Variants in ASAP2 observed in about 807,000 individuals in gnomAD.
ASAP2 encodes arf-GAP with SH3 domain, ANK repeat and PH domain-containing protein 2.
In ASAP2, 45 loss-of-function variants were observed where a neutral mutation model predicts 131.4. The observed-to-expected ratio is 0.34, with a 90% CI of 0.27 to 0.44. The LOEUF (loss-of-function observed/expected upper bound fraction) is 0.44, where lower values mean the gene tolerates loss of function less well. Ranked by LOEUF, ASAP2 falls within the 20% of genes least tolerant of loss-of-function variation. The probability of loss-of-function intolerance (pLI) is 1.00; values close to 1 mark genes in which losing one functional copy is unlikely to be tolerated. For synonymous variants in ASAP2, 510 were observed against 503.0 expected (o/e 1.01, Z -0.19); for missense variants, 1,011 against 1,297.0 (o/e 0.78, Z 3.39).
At chr2:9,254,220 A>T (rs1664934404) in intron 1 of ASAP2, among the ~76,000 whole-genome samples, 2 of 78,856 alleles carry the variant, frequency 2.5e-5, no homozygotes, top group Non-Finnish European at 2.4e-5. Context: ...AAAAAAAAAA[A>T]AAAAAAAAAA....
chr2:9,359,017 T>C, intron 15 of ASAP2, 128 bp downstream of exon 15: 1 of 1,150,834 alleles, frequency 8.7e-7, no homozygotes, highest in Non-Finnish European at 1.2e-6. Context: ...TTTGGATAAT[T>C]AGAAACTCAT....
At chr2:9,315,445 C>T (rs1468977012) in intron 3 of ASAP2, among the ~76,000 whole-genome samples, 3 of 152,132 alleles carry the variant, frequency 2.0e-5, no homozygotes, top group African/African-American at 4.8e-5. Flanking sequence ...AGAAGCGTGC[C>T]GCACGGCTGG....
Position 9,403,673 on chromosome 2 carries a change from T to C in ASAP2, c.*346T>C. The C allele has an allele frequency of 4.5e-6, 1 of 222,084 alleles. No homozygotes were observed. The highest frequency in any genetic ancestry group is 8.9e-6 in the Non-Finnish European group (1 of 111,984). The allele number at this position is 222,084 out of a possible 1,614,324, so 13.8% of individuals were successfully genotyped here. ...AATGAATAAATTCTTCCTGCATTCC[T>C]TGGCCCAGTTCTGGAGTTGGTGACC... On this transcript the variant is annotated 3_prime_UTR_variant, in exon 28 of 28. Transcript: ENST00000281419.
chr2:9,365,212 G>A (rs1324243757), intron 15 of ASAP2, among the ~76,000 whole-genome samples: 1 of 152,180 alleles, frequency 6.6e-6, no homozygotes, highest in African/African-American at 2.4e-5. Flanking sequence ...TTGCTTTGGA[G>A]GCAGCAGTTT....
chr2:9,257,402 A>C (rs957946295), intron 1 of ASAP2, among the ~76,000 whole-genome samples: 4 of 152,234 alleles, frequency 2.6e-5, no homozygotes, highest in African/African-American at 9.6e-5. Flanking sequence ...AAATTAAAAT[A>C]GCTTTATTTT....
In ASAP2 at chr2:9,207,205, G is replaced by A. The variant is rs771831853; in HGVS notation, c.101G>A (p.Arg34Gln). ...TTCACCACCCGCACGGCGCAGTGCC[G>A]GAACACTGTGGCGGCCATCGAGGAG... ...SSFTTRTAQCRNTVAAIEEAL... is the reference protein window; with the variant it reads ...SSFTTRTAQCQNTVAAIEEAL... Residue 34 changes from arginine to glutamine, a missense_variant, in exon 1 of 28, where the codon CGG becomes CAG. This residue lies in a region of ASAP2 where 359 missense variants were observed against 598.1 expected (regional missense o/e 0.60). Transcript: ENST00000281419. The surrounding 1 kb of genome is among the most constrained non-coding windows in gnomAD (Gnocchi z 4.1). The A allele has an allele frequency of 1.3e-6, 2 of 1,598,826 alleles. No individual in the cohort carries two copies. The highest frequency in any genetic ancestry group is 1.7e-6 in the Non-Finnish European group (2 of 1,173,994).
chr2:9,350,157 A>G (rs1323560910), intron 11 of ASAP2, among the ~76,000 whole-genome samples: 1 of 152,114 alleles, frequency 6.6e-6, no homozygotes, highest in East Asian at 1.9e-4. Flanking sequence ...GCCATTTTTC[A>G]TACACCTCTG....
chr2:9,400,107 C>T lies in ASAP2; in HGVS notation c.2734+35C>T, dbSNP rs370102368. On this transcript the variant is annotated intron_variant, in intron 25 of 27. Coordinates refer to ENST00000281419, the MANE Select transcript of ASAP2 (RefSeq NM_003887.3). ...TAATTTGGGACTGAGTTTGTTTCTG[C>T]TTGGTCCATGGGGGCAATGTGGGGG... 7.5e-6 allele frequency: 12 copies of T among 1,602,466 alleles called. No homozygotes were observed. The African/African-American group carries it at 1.4e-4, about 18-fold the overall frequency.
rs1410847164 is a variant in ASAP2, at chr2:9,383,826, T to A, written c.2017-1419T>A. Reference sequence around the variant, plus strand: ...GGCACATATACACCGTGCAATACTGTGCAGCCATAAAAAAGGATGAGTTCA... The same window carrying A: ...GGCACATATACACCGTGCAATACTGAGCAGCCATAAAAAAGGATGAGTTCA... On this transcript the variant is annotated intron_variant, in intron 20 of 27. Transcript: ENST00000281419. Among the ~76,000 whole-genome samples, 5 of 151,840 alleles carry A rather than the reference T, an allele frequency of 3.3e-5. No individual in the cohort carries two copies. In the East Asian group the frequency reaches 9.6e-4, roughly 29 times the overall value.
intron 1 of ASAP2, among the ~76,000 whole-genome samples, chr2:9,210,562 T>G (rs1237740156): frequency 6.9e-6 from 1 of 144,954 alleles, no homozygotes; most frequent in Non-Finnish European, 1.5e-5. Context: ...AACCCATGTG[T>G]TTTTTTTTTT....
intron 1 of ASAP2, among the ~76,000 whole-genome samples, chr2:9,221,595 G>A (rs1437459611): frequency 6.6e-6 from 1 of 151,834 alleles, no homozygotes; most frequent in African/African-American, 2.4e-5. Flanking sequence ...TTCATTTCTG[G>A]ATTATTCATT....
chr2:9,338,925 C>T (rs779604417), intron 9 of ASAP2, among the ~76,000 whole-genome samples: 1 of 152,162 alleles, frequency 6.6e-6, no homozygotes, highest in Non-Finnish European at 1.5e-5. Context: ...CAGCTATAGT[C>T]CCAGCACTTT....
intron 11 of ASAP2, among the ~76,000 whole-genome samples, chr2:9,345,210 A>G (rs187197065): frequency 6.6e-6 from 1 of 152,214 alleles, no homozygotes; most frequent in Admixed American, 6.5e-5. Flanking sequence ...GAAGATTTCT[A>G]CTTTTCCATT....
In ASAP2 at chr2:9,246,981, C is replaced by T. The variant is rs116073581; in HGVS notation, c.127-32336C>T. On this transcript the variant is annotated intron_variant, in intron 1 of 27. Transcript: ENST00000281419. The stretch of plus-strand genomic sequence containing the variant: ...TCAGCCTCCCATGTAGCTGGGGCCA[C>T]GGTATATACTACCACACCCAGCTGA... Among the ~76,000 whole-genome samples the T allele has an allele frequency of 2.1e-3, 319 of 152,198 alleles. 1 individual carries two copies. The highest frequency in any genetic ancestry group is 2.9e-3 in the Non-Finnish European group (195 of 68,016).
rs200585825 is a variant in ASAP2, at chr2:9,378,937, C to T, written c.1833-7C>T. On this transcript the variant is annotated splice_polypyrimidine_tract_variant and splice_region_variant and intron_variant, in intron 18 of 27. Transcript: ENST00000281419. ...TATGCTCTCTCTCTGTTCCTGTTCTCGGGCAGTGGGAACCTGGATAAACAG... is the reference window on the plus strand; with the variant it reads ...TATGCTCTCTCTCTGTTCCTGTTCTTGGGCAGTGGGAACCTGGATAAACAG... 120 of 1,437,386 alleles carry T rather than the reference C, an allele frequency of 8.3e-5. 1 individual carries two copies. The highest frequency in any genetic ancestry group is 3.5e-5 in the Non-Finnish European group (38 of 1,083,552). The allele number at this position is 1,437,386 out of a possible 1,614,324, so 89.0% of individuals were successfully genotyped here.
intron 1 of ASAP2, among the ~76,000 whole-genome samples, chr2:9,263,586 A>C (rs1665728424): frequency 6.6e-6 from 1 of 152,246 alleles, no homozygotes. Context: ...GATCCTGGCG[A>C]AGCCCATGAA....
intron 20 of ASAP2, 23 bp downstream of exon 20, chr2:9,380,831 G>A (rs117336786): frequency 1.7e-5 from 28 of 1,611,796 alleles, no homozygotes; most frequent in East Asian, 1.1e-4. Flanking sequence ...CCACAAGGAC[G>A]GGGTGGGGCA....
chr2:9,355,896 G>A, intron 12 of ASAP2, 151 bp from the exon 13 acceptor site: 1 of 871,990 alleles, frequency 1.1e-6, no homozygotes, highest in Non-Finnish European at 1.8e-6. Flanking sequence ...GACATTTGGA[G>A]GATATGAGGG....
intron 19 of ASAP2, among the ~76,000 whole-genome samples, chr2:9,379,968 G>A (rs961048674): frequency 6.7e-5 from 10 of 148,316 alleles, no homozygotes; most frequent in African/African-American, 2.0e-4. Context: ...CTCCAGCCTG[G>A]CAACAGAGCA....
Sources: gnomAD v4.1 joint callset for allele counts (sites outside exome capture counted in the v4.1 genomes callset) on GRCh38, gnomAD v4.1.1 for gene constraint, gnomAD v4.1.1 regional missense constraint, Gnocchi (gnomAD v3.1) non-coding constraint, MANE v1.5 for transcripts, NCBI Gene and HGNC (gene_info 2026-07-23, HGNC 2026-07-21) for gene names.